Variants in PSEN2 observed in about 807,000 individuals in gnomAD.
PSEN2 encodes the protein presenilin 2, also known as presenilin-2.
Under a neutral mutation model 49.1 loss-of-function variants are expected in PSEN2, and 32 were observed. That is an observed-to-expected ratio of 0.65 (90% CI 0.49 to 0.88). The LOEUF (loss-of-function observed/expected upper bound fraction) is 0.88. PSEN2 is among the 40% of genes least tolerant of loss of function. The pLI is 0.00. For synonymous variants in PSEN2, 255 were observed against 244.0 expected, an observed-to-expected ratio of 1.05 and a Z score of -0.42; for missense variants, 522 against 586.9, an observed-to-expected ratio of 0.89 and a Z score of 1.14.
chr1:226,881,744 C>T lies in PSEN2; in HGVS notation c.-20-144C>T, dbSNP rs573659675. The T allele has an allele frequency of 3.5e-4, 306 of 884,734 alleles. 2 individuals are homozygous for T. In the African/African-American group the frequency reaches 4.1e-3, roughly 12 times the overall value. The allele number at this position is 884,734 out of a possible 1,614,324, so 54.8% of individuals were successfully genotyped here. On this transcript the variant is annotated intron_variant, in intron 3 of 12. Coordinates refer to ENST00000366783, the MANE Select transcript of PSEN2 (RefSeq NM_000447.3). ...TCAAGGCCTCTTGTTTTATGGCAGTCGTTTGATTGACAGGCATCTCTTGGA... is the reference window on the plus strand; with the variant it reads ...TCAAGGCCTCTTGTTTTATGGCAGTTGTTTGATTGACAGGCATCTCTTGGA...
At chr1:226,902,573 G>A (rs889313406) in intron 12 of PSEN2, among the ~76,000 whole-genome samples, 1 of 152,132 alleles carries the variant, frequency 6.6e-6, no homozygotes, top group African/African-American at 2.4e-5. Context: ...GGGTTGGAAG[G>A]TAGGCAGGGG....
chr1:226,880,545 A>AGACAGCAATCACTCAGCCTCTG (rs1660910094), intron 3 of PSEN2: 21 of 1,099,050 alleles, frequency 1.9e-5, no homozygotes, highest in Admixed American at 2.8e-5. Flanking sequence ...GCCTCTGGAC[A>AGACAGCAATCACTCAGCCTCTG]GACAGCGATC....
At chr1:226,900,419 A>G (rs574046250), downstream of PSEN2, among the ~76,000 whole-genome samples, 1 of 152,352 alleles carries the variant, frequency 6.6e-6, no homozygotes, top group Admixed American at 6.5e-5. Context: ...GTGGATTGCA[A>G]GCCGATGAAA....
At chr1:226,901,490 G>A (rs1022051901), downstream of PSEN2, among the ~76,000 whole-genome samples, 5 of 151,242 alleles carry the variant, frequency 3.3e-5, no homozygotes, top group African/African-American at 1.2e-4. Flanking sequence ...GGGAGGCTGA[G>A]TCGTGAGAAT....
chr1:226,896,644 T>A (rs947098589), downstream of PSEN2, among the ~76,000 whole-genome samples: 1 of 152,000 alleles, frequency 6.6e-6, no homozygotes, highest in East Asian at 1.9e-4. Context: ...GAAGGATCAC[T>A]TGAGCCCAGG....
chr1:226,890,544 C>G (rs1661674450), intron 9 of PSEN2: 1 of 299,570 alleles, frequency 3.3e-6, no homozygotes, highest in Non-Finnish European at 6.5e-6. Context: ...GGCATTAATC[C>G]TAACTGAAGG....
At position 226,891,305 on chromosome 1, in the gene PSEN2, C is replaced by A. The variant is rs200501733; in HGVS notation, c.914C>A (p.Ala305Glu). ...GCCATGGTGTGGACGGTTGGCATGG[C>A]GAAGCTGGACCCCTCCTCTCAGGGT... Reference protein sequence around the residue: ...SSAMVWTVGMAKLDPSSQGAL... With the variant: ...SSAMVWTVGMEKLDPSSQGAL... The change falls in exon 10 of 13, where the codon GCG becomes GAG. Residue 305 changes from alanine to glutamate, a missense_variant. Physicochemically the swap from Ala to Glu is moderately radical, Grantham distance 107 (BLOSUM62 -1). Coordinates refer to ENST00000366783, the MANE Select transcript of PSEN2 (RefSeq NM_000447.3). The A allele has an allele frequency of 6.8e-6, 11 of 1,613,810 alleles. No homozygotes were observed. In the South Asian group the frequency reaches 1.2e-4, roughly 18 times the overall value.
chr1:226,880,552 G>GATCACTCAGCCTCTGGACAGCA, intron 3 of PSEN2: 2 of 1,571,404 alleles, frequency 1.3e-6, no homozygotes, highest in South Asian at 1.2e-5. Flanking sequence ...GACAGACAGC[G>GATCACTCAGCCTCTGGACAGCA]ATCACTCAGC....
rs1571951280 is a variant in PSEN2, at chr1:226,883,779, G to A, written c.216G>A (p.Pro72=). 1.9e-6 allele frequency: 3 copies of A among 1,614,090 alleles called. No homozygotes were observed. Among genetic ancestry groups the A allele is most frequent in the Non-Finnish European group, 2.5e-6 (3 of 1,180,048 alleles). The change falls in exon 5 of 13, where the codon CCG becomes CCA. Residue 72 remains proline, a synonymous_variant. Coordinates refer to ENST00000366783, the MANE Select transcript of PSEN2 (RefSeq NM_000447.3). The part of the protein sequence containing the change: ...RYVCSGVPGR[P]PGLEEELTLK... Reference sequence around the variant, plus strand: ...TCTGTAGTGGGGTTCCCGGGCGGCCGCCAGGCCTGGAGGAAGAGCTGACCC... The same window carrying A: ...TCTGTAGTGGGGTTCCCGGGCGGCCACCAGGCCTGGAGGAAGAGCTGACCC...
intron 6 of PSEN2, among the ~76,000 whole-genome samples, chr1:226,887,418 G>A (rs1268134065): frequency 2.0e-5 from 3 of 152,148 alleles, no homozygotes; most frequent in Non-Finnish European, 4.4e-5. Flanking sequence ...GGTGAGGCTG[G>A]TGGGAAGTGA....
At chr1:226,872,452 C>T (rs1660362662) in intron 2 of PSEN2, among the ~76,000 whole-genome samples, 1 of 152,216 alleles carries the variant, frequency 6.6e-6, no homozygotes, top group African/African-American at 2.4e-5. Context: ...GTGCTTTAAG[C>T]ACCAGGATTT....
chr1:226,897,094 C>A (rs1018236526), downstream of PSEN2, among the ~76,000 whole-genome samples: 1 of 152,070 alleles, frequency 6.6e-6, no homozygotes, highest in Non-Finnish European at 1.5e-5. Context: ...TAGTGCAGGT[C>A]AGAGACCTGG....
chr1:226,881,559 G>A (rs1480405123), intron 3 of PSEN2, among the ~76,000 whole-genome samples: 1 of 152,062 alleles, frequency 6.6e-6, no homozygotes, highest in African/African-American at 2.4e-5. Context: ...ATGATCTTTG[G>A]TGCATAATAG....
intron 12 of PSEN2, among the ~76,000 whole-genome samples, chr1:226,903,124 T>G (rs1255378053): frequency 6.6e-6 from 1 of 152,066 alleles, no homozygotes; most frequent in African/African-American, 2.4e-5. Flanking sequence ...TGATTTTTTC[T>G]TTTTGACTCC....
intron 12 of PSEN2, among the ~76,000 whole-genome samples, chr1:226,903,135 A>G (rs1662368453): frequency 6.6e-6 from 1 of 152,060 alleles, no homozygotes; most frequent in African/African-American, 2.4e-5. Flanking sequence ...TTTTGACTCC[A>G]GCATGACTTA....
chr1:226,891,706 C>A, intron 10 of PSEN2, 37 bp from the exon 11 acceptor site: 1 of 1,531,484 alleles, frequency 6.5e-7, no homozygotes, highest in Non-Finnish European at 9.1e-7. Context: ...CCCCTCCTCA[C>A]GGTGATGACG....
At chr1:226,899,235 A>G (rs1350356987), downstream of PSEN2, 1 of 152,204 alleles carries the variant, frequency 6.6e-6, no homozygotes, top group Non-Finnish European at 1.5e-5. Flanking sequence ...TATTTTCATA[A>G]TAAGATTTTT....
downstream of PSEN2, among the ~76,000 whole-genome samples, chr1:226,896,721 C>G (rs1220028559): frequency 6.6e-6 from 1 of 151,958 alleles, no homozygotes; most frequent in African/African-American, 2.4e-5. Context: ...ATTAGCCAAG[C>G]ATGGTGGCAT....
intron 12 of PSEN2, among the ~76,000 whole-genome samples, chr1:226,894,534 C>T (rs760806639): frequency 6.6e-6 from 1 of 152,260 alleles, no homozygotes; most frequent in Non-Finnish European, 1.5e-5. Flanking sequence ...TGTTTTCCCC[C>T]TCCTCCATGC....
Sources: allele counts gnomAD v4.1 joint callset (sites outside exome capture counted in the v4.1 genomes callset), GRCh38; gene constraint gnomAD v4.1.1; transcripts MANE v1.5; gene names NCBI Gene and HGNC (gene_info 2026-07-23, HGNC 2026-07-21).